KCNIP4: variants seen among roughly 807,000 people sequenced by gnomAD.
KCNIP4 encodes Kv channel-interacting protein 4.
In KCNIP4, 12 loss-of-function variants were observed where a neutral mutation model predicts 34.0. That is an observed-to-expected ratio of 0.35 (90% confidence interval 0.23 to 0.57). The LOEUF (loss-of-function observed/expected upper bound fraction) is 0.57. KCNIP4 is among the 20% of genes least tolerant of loss of function. The probability of loss-of-function intolerance (pLI) is 0.83; values close to 1 mark genes in which losing one functional copy is unlikely to be tolerated. For synonymous variants in KCNIP4, 124 were observed against 102.2 expected (o/e 1.21, Z -1.29); for missense variants, 238 against 311.7 (o/e 0.76, Z 1.78).
chr4:21,277,518 A>C lies in KCNIP4; in HGVS notation c.62-394809T>G, dbSNP rs539192669. ...AAAAGAGGAAAACACAGTAATAAAC[A>C]ACTCTCATAAATTCAAAGAAAATTG... On this transcript the variant is annotated intron_variant, in intron 1 of 8. Transcript: ENST00000382152. Among the ~76,000 whole-genome samples, 4 of 152,326 alleles carry C rather than the reference A, an allele frequency of 2.6e-5. No individual in the cohort carries two copies. In the South Asian group the frequency reaches 8.3e-4, roughly 32 times the overall value.
At chr4:21,232,817 G>C (rs1758896379) in intron 1 of KCNIP4, among the ~76,000 whole-genome samples, 1 of 152,166 alleles carries the variant, frequency 6.6e-6, no homozygotes, top group Admixed American at 6.6e-5. Context: ...ATATGTATAT[G>C]AGGTGCAATA....
At chr4:21,580,528 A>G (rs1282027425) in intron 1 of KCNIP4, among the ~76,000 whole-genome samples, 1 of 152,128 alleles carries the variant, frequency 6.6e-6, no homozygotes, top group Non-Finnish European at 1.5e-5. Context: ...ACTACCGAAT[A>G]TTGTTGCATC....
chr4:21,597,083 G>T (rs1316846899), intron 1 of KCNIP4, among the ~76,000 whole-genome samples: 1 of 152,040 alleles, frequency 6.6e-6, no homozygotes, highest in African/African-American at 2.4e-5. Context: ...ATTGTTCATT[G>T]ATATGGTTTG....
chr4:21,695,428 TTC>T (rs1315294688), intron 1 of KCNIP4, among the ~76,000 whole-genome samples: 1 of 132,404 alleles, frequency 7.6e-6, no homozygotes, highest in African/African-American at 2.4e-5. Flanking sequence ...GCTGTGCTTC[TTC>T]TTTTTTTTTT....
At chr4:21,577,384 C>A (rs930232697) in intron 1 of KCNIP4, among the ~76,000 whole-genome samples, 2 of 152,056 alleles carry the variant, frequency 1.3e-5, no homozygotes, top group Admixed American at 1.3e-4. Flanking sequence ...AATCCCAGCA[C>A]TTTTGGAGGC....
chr4:20,793,518 T>A (rs1199067912), intron 3 of KCNIP4, among the ~76,000 whole-genome samples: 1 of 152,096 alleles, frequency 6.6e-6, no homozygotes, highest in Non-Finnish European at 1.5e-5. Context: ...TGTAAAAACT[T>A]TCAAGGTGTA....
At chr4:20,872,488 C>T (rs1183364176) in intron 2 of KCNIP4, among the ~76,000 whole-genome samples, 1 of 152,084 alleles carries the variant, frequency 6.6e-6, no homozygotes, top group Non-Finnish European at 1.5e-5. Flanking sequence ...AAAAACAATG[C>T]TCTGTATTTT....
intron 1 of KCNIP4, among the ~76,000 whole-genome samples, chr4:21,670,581 AT>A (rs1749403110): frequency 6.6e-6 from 1 of 152,186 alleles, no homozygotes; most frequent in African/African-American, 2.4e-5. Context: ...TAAAAAAAAA[AT>A]CGATCATATT....
intron 1 of KCNIP4, among the ~76,000 whole-genome samples, chr4:21,738,278 A>C (rs1021094432): frequency 6.6e-6 from 1 of 152,116 alleles, no homozygotes; most frequent in African/African-American, 2.4e-5. Context: ...TAAAATGTTC[A>C]TTCAAATAAA....
intron 1 of KCNIP4, among the ~76,000 whole-genome samples, chr4:21,274,359 G>C (rs1578003181): frequency 1.3e-5 from 2 of 152,178 alleles, no homozygotes; most frequent in East Asian, 3.9e-4. Flanking sequence ...ACAGTTTTAA[G>C]AAAGAGCTTT....
intron 1 of KCNIP4, among the ~76,000 whole-genome samples, chr4:21,384,128 T>G (rs1721796004): frequency 6.6e-6 from 1 of 152,128 alleles, no homozygotes; most frequent in Admixed American, 6.6e-5. Flanking sequence ...TCTCCTTATC[T>G]CATCACCTCC....
At chr4:21,318,578 A>G (rs780797766) in intron 1 of KCNIP4, among the ~76,000 whole-genome samples, 2 of 152,182 alleles carry the variant, frequency 1.3e-5, no homozygotes, top group Non-Finnish European at 2.9e-5. Flanking sequence ...CATTGTGTAT[A>G]TAAGTACTGT....
chr4:21,210,042 G>A (rs919447056), intron 1 of KCNIP4, among the ~76,000 whole-genome samples: 6 of 152,118 alleles, frequency 3.9e-5, no homozygotes, highest in African/African-American at 1.4e-4. Context: ...GTTGCTCTAG[G>A]AGAATGACAC....
At chr4:21,722,433 C>T (rs1309219671) in intron 1 of KCNIP4, among the ~76,000 whole-genome samples, 1 of 152,024 alleles carries the variant, frequency 6.6e-6, no homozygotes, top group East Asian at 1.9e-4. Flanking sequence ...GGAGAGAAAA[C>T]AAGGAAATCC....
intron 1 of KCNIP4, among the ~76,000 whole-genome samples, chr4:21,545,139 G>C (rs1738030105): frequency 6.6e-6 from 1 of 152,104 alleles, no homozygotes; most frequent in Non-Finnish European, 1.5e-5. Flanking sequence ...AATTATAATG[G>C]ATTAGCATGT....
intron 1 of KCNIP4, among the ~76,000 whole-genome samples, chr4:20,973,569 T>C (rs897380159): frequency 2.6e-5 from 4 of 152,246 alleles, no homozygotes; most frequent in African/African-American, 7.2e-5. Context: ...TTTCTTTGTG[T>C]TCACAATTTG....
chr4:21,025,775 C>T (rs951081065), intron 1 of KCNIP4, among the ~76,000 whole-genome samples: 8 of 151,798 alleles, frequency 5.3e-5, no homozygotes, highest in Non-Finnish European at 7.4e-5. Context: ...AGGATGGTCT[C>T]GATCTCCTGA....
chr4:21,888,976 G>T (rs1320153894), intron 1 of KCNIP4, among the ~76,000 whole-genome samples: 1 of 152,120 alleles, frequency 6.6e-6, no homozygotes, highest in South Asian at 2.1e-4. Flanking sequence ...AAAACTTTTT[G>T]AGCATCAACA....
intron 1 of KCNIP4, among the ~76,000 whole-genome samples, chr4:21,394,297 T>C (rs898098968): frequency 2.6e-5 from 4 of 152,156 alleles, no homozygotes; most frequent in African/African-American, 9.7e-5. Flanking sequence ...ATCCTGGCAA[T>C]CTTTACAGTT....
Sources: allele counts gnomAD v4.1 joint callset (sites outside exome capture counted in the v4.1 genomes callset), GRCh38; gene constraint gnomAD v4.1.1; transcripts MANE v1.5; gene names NCBI Gene and HGNC (gene_info 2026-07-23, HGNC 2026-07-21).